The following CECR2 variants were observed in gnomAD, a reference collection of about 807,000 sequenced individuals.
CECR2 encodes chromatin remodeling regulator CECR2.
CECR2 carries 30 observed loss-of-function variants against 154.5 expected under a neutral mutation model. That is an observed-to-expected ratio of 0.19 (90% CI 0.15 to 0.26). The LOEUF is 0.26. Among genes scored for constraint, CECR2 ranks in the 10% least tolerant of loss-of-function variants. The pLI, the probability that CECR2 is intolerant of heterozygous loss-of-function variation, is 1.00. For missense variants in CECR2, 1,743 were observed against 1,829.3 expected (o/e 0.95, Z 0.86); for synonymous variants, 725 against 683.7 (o/e 1.06, Z -0.94).
chr22:17,405,738 T>C (rs1290821356), intron 1 of CECR2, among the ~76,000 whole-genome samples: 1 of 151,518 alleles, frequency 6.6e-6, no homozygotes, highest in African/African-American at 2.4e-5. Context: ...CTTCCTAAAC[T>C]CCCCCCTTTT....
chr22:17,545,923 A>C (rs1242810409), intron 16 of CECR2, among the ~76,000 whole-genome samples: 3 of 151,700 alleles, frequency 2.0e-5, no homozygotes, highest in Non-Finnish European at 4.4e-5. Flanking sequence ...TGTGTTTCTC[A>C]TACCTGTAAT....
Position 17,549,012 on chromosome 22 carries a change from C to G in CECR2, c.3725C>G (p.Ala1242Gly). 6.2e-7 allele frequency: 1 copy of G among 1,613,990 alleles called. No individual in the cohort carries two copies. Among genetic ancestry groups the G allele is most frequent in the South Asian group, 1.1e-5 (1 of 91,082 alleles). ...PPRSLFSDKN[A>G]MASLQGCETL... Reference sequence around the variant, plus strand: ...AGGTCCCTCTTCTCAGATAAGAATGCCATGGCCAGTCTGCAAGGCTGTGAG... The same window carrying G: ...AGGTCCCTCTTCTCAGATAAGAATGGCATGGCCAGTCTGCAAGGCTGTGAG... Residue 1242 changes from alanine (A) to glycine (G), a missense_variant, in exon 17 of 19, where the codon GCC (alanine) becomes GGC (glycine). Coordinates refer to ENST00000262608, the MANE Select transcript of CECR2 (RefSeq NM_001290047.2).
intron 1 of CECR2, among the ~76,000 whole-genome samples, chr22:17,459,785 A>G (rs977515739): frequency 1.1e-4 from 16 of 152,232 alleles, no homozygotes; most frequent in African/African-American, 2.9e-4. Context: ...TCTTCAACAC[A>G]GGAAACCTGG....
intron 7 of CECR2, among the ~76,000 whole-genome samples, chr22:17,509,273 G>A (rs1287620848): frequency 6.6e-6 from 1 of 152,086 alleles, no homozygotes; most frequent in Admixed American, 6.5e-5. Context: ...AGTGTGTAAT[G>A]GAGGCACAAG....
At chr22:17,396,782 A>C (rs1353248756) in intron 1 of CECR2, among the ~76,000 whole-genome samples, 2 of 152,178 alleles carry the variant, frequency 1.3e-5, no homozygotes, top group Non-Finnish European at 2.9e-5. Flanking sequence ...TAGAAAGATC[A>C]CTTCACTGTT....
At chr22:17,507,023 T>G (rs2055860218) in intron 7 of CECR2, among the ~76,000 whole-genome samples, 1 of 152,202 alleles carries the variant, frequency 6.6e-6, no homozygotes, top group Non-Finnish European at 1.5e-5. Flanking sequence ...ATAATAATAT[T>G]TCTGATTATT....
At chr22:17,405,665 A>ATT (rs2053972979) in intron 1 of CECR2, among the ~76,000 whole-genome samples, 2 of 59,992 alleles carry the variant, frequency 3.3e-5, no homozygotes, top group African/African-American at 1.1e-4. Context: ...AAAAAAAAAA[A>ATT]ATTTTCAATT....
chr22:17,405,637 C>T (rs1346290304), intron 1 of CECR2, among the ~76,000 whole-genome samples: 3 of 96,100 alleles, frequency 3.1e-5, no homozygotes, highest in African/African-American at 1.3e-4. Flanking sequence ...GAGACTCCAT[C>T]TCAAAAAAAA....
chr22:17,460,142 A>G (rs939677549), intron 1 of CECR2, among the ~76,000 whole-genome samples: 8 of 151,918 alleles, frequency 5.3e-5, no homozygotes, highest in Admixed American at 5.3e-4. Flanking sequence ...ATAGCCCCTC[A>G]CCTATGACAC....
At position 17,416,923 on chromosome 22, in the gene CECR2, T is replaced by A. The variant is rs540302007; in HGVS notation, c.126+47014T>A. Among the ~76,000 whole-genome samples the A allele has an allele frequency of 5.3e-5, 8 of 152,338 alleles. No individual in the cohort carries two copies. In the East Asian group the frequency reaches 1.5e-3, roughly 29 times the overall value. Reference sequence around the variant, plus strand: ...ACCATTGGATACCAAATGTGCACATTTATGATTATTTCCATATAGTAACTC... The same window carrying A: ...ACCATTGGATACCAAATGTGCACATATATGATTATTTCCATATAGTAACTC... On this transcript the variant is annotated intron_variant, in intron 1 of 18. Coordinates refer to ENST00000262608, the MANE Select transcript of CECR2 (RefSeq NM_001290047.2).
chr22:17,469,626 TC>T (rs2055091885), intron 1 of CECR2, among the ~76,000 whole-genome samples: 2 of 150,882 alleles, frequency 1.3e-5, no homozygotes, highest in Non-Finnish European at 2.9e-5. Context: ...AGAATCCAGT[TC>T]TCTTTTCTTC....
intron 1 of CECR2, among the ~76,000 whole-genome samples, chr22:17,415,496 C>A (rs2054144258): frequency 6.6e-6 from 1 of 152,214 alleles, no homozygotes; most frequent in Non-Finnish European, 1.5e-5. Flanking sequence ...CCTGCCTTGG[C>A]CTCCCAAAGT....
intron 1 of CECR2, among the ~76,000 whole-genome samples, chr22:17,411,575 T>C (rs1377394892): frequency 6.6e-6 from 1 of 152,218 alleles, no homozygotes; most frequent in African/African-American, 2.4e-5. Context: ...ACTCAAGACT[T>C]GGGTTAGGCA....
At chr22:17,403,395 G>A (rs918465543) in intron 1 of CECR2, among the ~76,000 whole-genome samples, 1 of 152,168 alleles carries the variant, frequency 6.6e-6, no homozygotes, top group African/African-American at 2.4e-5. Context: ...GTATTTGCTT[G>A]TAAGTGTGTG....
At chr22:17,456,311 G>A (rs146405250) in intron 1 of CECR2, among the ~76,000 whole-genome samples, 200 of 151,938 alleles carry the variant, frequency 1.3e-3, no homozygotes, top group African/African-American at 2.8e-3. Flanking sequence ...ATAATATGCC[G>A]TATTTTCTGG....
intron 1 of CECR2, among the ~76,000 whole-genome samples, chr22:17,467,020 C>T (rs66471604): frequency 0.066 from 9,984 of 152,126 alleles, 642 homozygotes; most frequent in East Asian, 0.23. Context: ...ACAGAAACAT[C>T]GGGGGAGTGT....
chr22:17,370,529 C>T (rs550066108), intron 1 of CECR2, among the ~76,000 whole-genome samples: 1 of 152,232 alleles, frequency 6.6e-6, no homozygotes, highest in Non-Finnish European at 1.5e-5. Context: ...TTTGGGACTC[C>T]GTTATTCTTC....
intron 1 of CECR2, among the ~76,000 whole-genome samples, chr22:17,453,784 T>C (rs1463753981): frequency 6.6e-6 from 1 of 152,238 alleles, no homozygotes; most frequent in African/African-American, 2.4e-5. Context: ...GTGAAGGTCA[T>C]GTAAGAGTTG....
At chr22:17,516,317 T>A (rs953984376) in intron 8 of CECR2, among the ~76,000 whole-genome samples, 2 of 151,916 alleles carry the variant, frequency 1.3e-5, no homozygotes, top group African/African-American at 4.9e-5. Flanking sequence ...TATATATACA[T>A]ATATACATGT....
Sources: gnomAD v4.1 joint callset for allele counts (sites outside exome capture counted in the v4.1 genomes callset) on GRCh38, gnomAD v4.1.1 for gene constraint, MANE v1.5 for transcripts, NCBI Gene and HGNC (gene_info 2026-07-23, HGNC 2026-07-21) for gene names.